PPP1R12B: variants seen among roughly 807,000 people sequenced by gnomAD.
PPP1R12B encodes protein phosphatase 1 regulatory subunit 12B.
PPP1R12B carries 76 observed loss-of-function variants against 126.1 expected under a neutral mutation model. The observed-to-expected ratio is 0.60, with a 90% CI of 0.50 to 0.73. PPP1R12B has a LOEUF of 0.73. Ranked by LOEUF, PPP1R12B falls within the 30% of genes least tolerant of loss-of-function variation. PPP1R12B has a pLI of 0.00. For missense variants in PPP1R12B, 1,052 were observed against 1,205.1 expected (o/e 0.87, Z 1.88); for synonymous variants, 356 against 434.7 (o/e 0.82, Z 2.25).
chr1:202,578,761 C>T (rs958485755), intron 23 of PPP1R12B, among the ~76,000 whole-genome samples: 3 of 152,094 alleles, frequency 2.0e-5, no homozygotes, highest in Admixed American at 6.5e-5. Flanking sequence ...CCCTACCATA[C>T]GAGAGAGTAG....
intron 13 of PPP1R12B, among the ~76,000 whole-genome samples, chr1:202,464,442 C>T (rs967515139): frequency 5.9e-5 from 9 of 152,118 alleles, no homozygotes; most frequent in South Asian, 2.1e-4. Flanking sequence ...TGGATGAGTT[C>T]GCAGATGAGC....
At chr1:202,349,712 G>C (rs1655592149) in intron 1 of PPP1R12B, among the ~76,000 whole-genome samples, 1 of 152,074 alleles carries the variant, frequency 6.6e-6, no homozygotes, top group African/African-American at 2.4e-5. Flanking sequence ...CGTTGTTTTA[G>C]GTATCTTAAC....
Position 202,427,042 on chromosome 1 carries a change from T to G in PPP1R12B, c.704T>G (p.Leu235Arg). ...CTTGTTTTGGGTTTTCTTTTTAGAC[T>G]TTTAATTCAGGCTGGCTATGAACTC... is the stretch of plus-strand genomic sequence containing the variant. The part of the protein sequence containing the change: ...AAKGYSEVLR[L>R]LIQAGYELNV... Residue 235 changes from leucine (L) to arginine (R), a missense_variant and splice_region_variant, in exon 5 of 24, where the codon CTT (leucine) becomes CGT (arginine). By Grantham distance (102) the Leu-to-Arg change is moderately radical (BLOSUM62 -2). Coordinates refer to ENST00000608999, the MANE Select transcript of PPP1R12B (RefSeq NM_002481.4). 6.2e-7 allele frequency: 1 copy of G among 1,609,886 alleles called. No homozygotes were observed.
intron 13 of PPP1R12B, among the ~76,000 whole-genome samples, chr1:202,467,619 A>G (rs937153064): frequency 2.6e-5 from 4 of 152,134 alleles, no homozygotes; most frequent in African/African-American, 7.2e-5. Context: ...AATCCAGTCT[A>G]TCATTGTTGG....
chr1:202,365,323 T>C (rs767447631), intron 1 of PPP1R12B, among the ~76,000 whole-genome samples: 6 of 151,824 alleles, frequency 4.0e-5, no homozygotes, highest in African/African-American at 1.2e-4. Context: ...TCGCCTGCAG[T>C]TGTGGCTACT....
chr1:202,397,530 T>C (rs942480113), intron 1 of PPP1R12B, among the ~76,000 whole-genome samples: 1 of 152,242 alleles, frequency 6.6e-6, no homozygotes, highest in African/African-American at 2.4e-5. Context: ...ACCAGTATTA[T>C]GATATTCCTC....
chr1:202,492,288 A>C (rs1678977379), intron 14 of PPP1R12B, among the ~76,000 whole-genome samples: 1 of 152,356 alleles, frequency 6.6e-6, no homozygotes, highest in African/African-American at 2.4e-5. Context: ...GCCTAAAGAC[A>C]CCTAATTCTT....
Position 202,434,573 on chromosome 1 carries a change from T to C in PPP1R12B, c.1142-83T>C, listed in dbSNP as rs1670569031. On this transcript the variant is annotated intron_variant, in intron 8 of 23. Transcript: ENST00000608999. Reference sequence around the variant, plus strand: ...AATCTGTTTTGATAATGGGCAAATCTTTTCTATTAGCAGAAAAGGACATAG... The same window carrying C: ...AATCTGTTTTGATAATGGGCAAATCCTTTCTATTAGCAGAAAAGGACATAG... 3.3e-6 allele frequency: 5 copies of C among 1,511,254 alleles called. No individual in the cohort carries two copies. The South Asian group carries it at 6.7e-5, about 20-fold the overall frequency. 93.6% of individuals were successfully genotyped at this position (1,511,254 alleles called of 1,614,324 possible).
At chr1:202,561,584 T>A (rs1687540625) in intron 19 of PPP1R12B, among the ~76,000 whole-genome samples, 1 of 152,232 alleles carries the variant, frequency 6.6e-6, no homozygotes, top group South Asian at 2.1e-4. Context: ...TAGTTATTTC[T>A]TAGGCAGGAT....
At position 202,438,342 on chromosome 1, in the gene PPP1R12B, G is replaced by T. The variant is rs761552110; in HGVS notation, c.1458+318G>T. Reference sequence around the variant, plus strand: ...TTCAGTATGGCGGAGGGGGGCACAGGACCCCAGGTAGGGGTCCTGGATCCA... The same window carrying T: ...TTCAGTATGGCGGAGGGGGGCACAGTACCCCAGGTAGGGGTCCTGGATCCA... On this transcript the variant is annotated intron_variant, in intron 10 of 23. Transcript: ENST00000608999. The T allele has an allele frequency of 1.6e-4, 187 of 1,135,978 alleles. No homozygotes were observed. The African/African-American group carries it at 2.1e-3, about 13-fold the overall frequency. The allele number at this position is 1,135,978 out of a possible 1,614,324, so 70.4% of individuals were successfully genotyped here. A position where few individuals can be genotyped will look rare whatever the true frequency, so the allele number is the denominator to read the frequency against.
At chr1:202,418,421 T>A (rs970301903) in intron 2 of PPP1R12B, among the ~76,000 whole-genome samples, 2 of 152,216 alleles carry the variant, frequency 1.3e-5, no homozygotes, top group Admixed American at 1.3e-4. Flanking sequence ...TCACTTGTGC[T>A]GGCATTATCC....
chr1:202,574,854 C>G, intron 23 of PPP1R12B: 1 of 748,806 alleles, frequency 1.3e-6, no homozygotes, highest in Non-Finnish European at 2.1e-6. Flanking sequence ...CTCCATGACT[C>G]CTGCCTTTCT....
chr1:202,536,498 G>C (rs555998866), intron 18 of PPP1R12B, among the ~76,000 whole-genome samples: 5 of 152,212 alleles, frequency 3.3e-5, no homozygotes, highest in Admixed American at 2.6e-4. Flanking sequence ...AGTTGCTTTG[G>C]GTGAGTCAGT....
chr1:202,460,863 T>G (rs1427504477), intron 13 of PPP1R12B, among the ~76,000 whole-genome samples: 1 of 152,192 alleles, frequency 6.6e-6, no homozygotes, highest in Non-Finnish European at 1.5e-5. Flanking sequence ...GGTAGCAAAA[T>G]GACAAGAGGC....
At chr1:202,369,338 A>G (rs1393120860) in intron 1 of PPP1R12B, among the ~76,000 whole-genome samples, 1 of 152,254 alleles carries the variant, frequency 6.6e-6, no homozygotes, top group Non-Finnish European at 1.5e-5. Context: ...CAGTGATACC[A>G]TTTACTGAAT....
In PPP1R12B at chr1:202,580,687, C is replaced by T. The variant is rs1006240636; in HGVS notation, c.*127C>T. On this transcript the variant is annotated 3_prime_UTR_variant, in exon 24 of 24. Coordinates refer to ENST00000608999, the MANE Select transcript of PPP1R12B (RefSeq NM_002481.4). Reference sequence around the variant, plus strand: ...TGGAAGGACACTTCTTTCTATCACCCTCTTCAGTCACCTCTATACACTCTA... The same window carrying T: ...TGGAAGGACACTTCTTTCTATCACCTTCTTCAGTCACCTCTATACACTCTA... 7.0e-5 allele frequency: 53 copies of T among 754,802 alleles called. 1 individual carries two copies. In the South Asian group the frequency reaches 7.7e-4, roughly 11 times the overall value. 46.8% of individuals were successfully genotyped at this position (754,802 alleles called of 1,614,324 possible).
intron 13 of PPP1R12B, among the ~76,000 whole-genome samples, chr1:202,459,437 T>C (rs1674036818): frequency 6.6e-6 from 1 of 152,212 alleles, no homozygotes; most frequent in Non-Finnish European, 1.5e-5. Flanking sequence ...TGCAGGATTC[T>C]AGATAATTTA....
chr1:202,469,246 C>CT (rs1213979194), intron 13 of PPP1R12B, among the ~76,000 whole-genome samples: 11 of 152,124 alleles, frequency 7.2e-5, no homozygotes, highest in Admixed American at 2.0e-4. Flanking sequence ...TAGAATAGCA[C>CT]TTTTTTTTGT....
Position 202,380,941 on chromosome 1 carries a change from A to G in PPP1R12B, c.291+31799A>G, listed in dbSNP as rs1199465502. On this transcript the variant is annotated intron_variant, in intron 1 of 23. Transcript: ENST00000608999. ...TTAATTGGATTGCACTGATAGTGCT[A>G]GAATTTATAAAGCAATTACTTCCTT... Among the ~76,000 whole-genome samples, 6 of 152,236 alleles carry G rather than the reference A, an allele frequency of 3.9e-5. No homozygotes were observed. The East Asian group carries it at 5.8e-4, about 15-fold the overall frequency.
Sources: allele counts gnomAD v4.1 joint callset (sites outside exome capture counted in the v4.1 genomes callset), GRCh38; gene constraint gnomAD v4.1.1; transcripts MANE v1.5; gene names NCBI Gene and HGNC (gene_info 2026-07-23, HGNC 2026-07-21).